Variants in GRM1 observed in about 807,000 individuals in gnomAD.
GRM1 encodes glutamate metabotropic receptor 1, also known as metabotropic glutamate receptor 1.
In GRM1, 33 loss-of-function variants were observed where a neutral mutation model predicts 90.9. The observed-to-expected ratio is 0.36, with a 90% CI of 0.28 to 0.49. The LOEUF is 0.49. Ranked by LOEUF, GRM1 falls within the 20% of genes least tolerant of loss-of-function variation. The probability of loss-of-function intolerance (pLI) is 0.99; values close to 1 mark genes in which losing one functional copy is unlikely to be tolerated. For synonymous variants in GRM1, 700 were observed against 613.2 expected (o/e 1.14, Z -2.09); for missense variants, 1,190 against 1,534.3 (o/e 0.78, Z 3.75).
chr6:146,384,994 T>G (rs1335028136), intron 5 of GRM1, among the ~76,000 whole-genome samples: 1 of 152,022 alleles, frequency 6.6e-6, no homozygotes, highest in Non-Finnish European at 1.5e-5. Flanking sequence ...GAGCAAACTC[T>G]CAGTTACTTG....
intron 2 of GRM1, among the ~76,000 whole-genome samples, chr6:146,165,643 A>T (rs939470374): frequency 2.0e-5 from 3 of 152,174 alleles, no homozygotes; most frequent in Admixed American, 6.6e-5. Flanking sequence ...GACAGGCTAT[A>T]CTTTTCTTAA....
chr6:146,361,213 G>T (rs1775454912), intron 5 of GRM1, among the ~76,000 whole-genome samples: 3 of 152,180 alleles, frequency 2.0e-5, no homozygotes, highest in African/African-American at 7.2e-5. Context: ...CAGTTCTGGA[G>T]CCCAGAGCCT....
chr6:146,086,031 C>T lies in GRM1; in HGVS notation c.700+55814C>T, dbSNP rs193231759. Among the ~76,000 whole-genome samples the T allele has an allele frequency of 2.0e-5, 3 of 151,990 alleles. No individual in the cohort carries two copies. In the East Asian group the frequency reaches 5.8e-4, roughly 29 times the overall value. ...AGTTGTGCCAGCTACAAAGACAATT[C>T]GGGGTATATGAGTGGAATAGAGTGC... is the stretch of plus-strand genomic sequence containing the variant. On this transcript the variant is annotated intron_variant, in intron 1 of 7. Transcript: ENST00000282753.
intron 5 of GRM1, among the ~76,000 whole-genome samples, chr6:146,381,583 T>C (rs565825902): frequency 3.9e-5 from 6 of 152,338 alleles, no homozygotes; most frequent in Non-Finnish European, 2.9e-5. Flanking sequence ...TAAAACCAGA[T>C]ACTGAGTGTT....
At chr6:146,028,607 A>G (rs1790588003), upstream of GRM1, among the ~76,000 whole-genome samples, 1 of 152,120 alleles carries the variant, frequency 6.6e-6, no homozygotes, top group Non-Finnish European at 1.5e-5. Flanking sequence ...TACGGGGGAA[A>G]CATACCAAAC....
rs1224708004 is a variant in GRM1, at chr6:146,165,937, A to G, written c.950+6340A>G. On this transcript the variant is annotated intron_variant, in intron 2 of 7. Transcript: ENST00000282753. ...TATAGTCTCATGTTTCAGATACCGG[A>G]CATCTGAAACGTGAAAGATTCCACT... 2.6e-5 allele frequency among the ~76,000 whole-genome samples: 4 copies of G among 152,046 alleles called. No homozygotes were observed. In the East Asian group the frequency reaches 7.7e-4, roughly 29 times the overall value.
chr6:146,224,091 G>A (rs907640452), intron 2 of GRM1, among the ~76,000 whole-genome samples: 2 of 152,032 alleles, frequency 1.3e-5, no homozygotes, highest in Non-Finnish European at 2.9e-5. Flanking sequence ...CCTAGATGTG[G>A]TGTCATCGGC....
Position 146,134,926 on chromosome 6 carries a change from G to A in GRM1, c.701-24422G>A, listed in dbSNP as rs374559963. Among the ~76,000 whole-genome samples the A allele has an allele frequency of 1.7e-4, 26 of 151,968 alleles. 1 individual carries two copies. The highest frequency in any genetic ancestry group is 3.1e-4 in the Non-Finnish European group (21 of 67,968). On this transcript the variant is annotated intron_variant, in intron 1 of 7. Transcript: ENST00000282753. ...AGTCTGGATGACAGAGCGTGACTCCGTCTCAAAAACAAAACAAAACAAAAC... is the reference window on the plus strand; with the variant it reads ...AGTCTGGATGACAGAGCGTGACTCCATCTCAAAAACAAAACAAAACAAAAC...
chr6:146,117,402 T>C (rs185957012), intron 1 of GRM1, among the ~76,000 whole-genome samples: 5 of 152,126 alleles, frequency 3.3e-5, no homozygotes, highest in African/African-American at 9.6e-5. Context: ...TCTTCATTTC[T>C]TACCTTTCTG....
intron 3 of GRM1, among the ~76,000 whole-genome samples, chr6:146,324,381 C>T (rs1784324006): frequency 6.6e-6 from 1 of 152,098 alleles, no homozygotes; most frequent in African/African-American, 2.4e-5. Context: ...TGGCTTCAGC[C>T]CCCTTTCCAG....
intron 2 of GRM1, among the ~76,000 whole-genome samples, chr6:146,230,027 A>G (rs796542827): frequency 9.8e-5 from 15 of 152,330 alleles, no homozygotes; most frequent in South Asian, 4.1e-4. Context: ...TCTCAGGAGT[A>G]AATAAAAGGA....
intron 1 of GRM1, 49 bp downstream of exon 1, chr6:146,030,266 G>T (rs1158326374): frequency 2.5e-6 from 3 of 1,182,072 alleles, no homozygotes; most frequent in Admixed American, 3.4e-5. Context: ...TCAGGGCAAT[G>T]CATGATGTGC....
chr6:146,309,923 A>G (rs549253943), intron 3 of GRM1, among the ~76,000 whole-genome samples: 134 of 152,340 alleles, frequency 8.8e-4, no homozygotes, highest in African/African-American at 3.0e-3. Flanking sequence ...GTATGAGTTC[A>G]TGGGGTTTAT....
At position 146,210,902 on chromosome 6, in the gene GRM1, C is replaced by T. The variant is rs144287943; in HGVS notation, c.950+51305C>T. 3.0e-3 allele frequency among the ~76,000 whole-genome samples: 459 copies of T among 152,190 alleles called. 4 individuals carry two copies. Among genetic ancestry groups the T allele is most frequent in the African/African-American group, 0.011 (439 of 41,526 alleles). ...GTGTATGCTAAAGAATGGAGATTCA[C>T]AGCAGGAATGGGGAGAGACCTTTAA... On this transcript the variant is annotated intron_variant, in intron 2 of 7. Coordinates refer to ENST00000282753, the MANE Select transcript of GRM1 (RefSeq NM_001278064.2).
chr6:146,149,007 G>T (rs1777217407), intron 1 of GRM1, among the ~76,000 whole-genome samples: 1 of 152,100 alleles, frequency 6.6e-6, no homozygotes, highest in South Asian at 2.1e-4. Flanking sequence ...CAAGAATGAT[G>T]ATCTCCTTTT....
chr6:146,088,852 C>A (rs137940948), intron 1 of GRM1, among the ~76,000 whole-genome samples: 1 of 152,052 alleles, frequency 6.6e-6, no homozygotes, highest in South Asian at 2.1e-4. Flanking sequence ...AAATCAAGTG[C>A]TACATCCCTA....
At chr6:146,277,257 C>G (rs1056090774) in intron 2 of GRM1, among the ~76,000 whole-genome samples, 3 of 152,182 alleles carry the variant, frequency 2.0e-5, no homozygotes, top group Admixed American at 2.0e-4. Context: ...CTGGGTTGCT[C>G]AAACCCTGCA....
chr6:146,110,521 C>A (rs555772686), intron 1 of GRM1, among the ~76,000 whole-genome samples: 1 of 152,096 alleles, frequency 6.6e-6, no homozygotes, highest in Non-Finnish European at 1.5e-5. Context: ...ATCAGCAGCA[C>A]GAAAATGTAC....
intron 5 of GRM1, among the ~76,000 whole-genome samples, chr6:146,359,706 G>A (rs945981017): frequency 6.6e-6 from 1 of 152,102 alleles, no homozygotes; most frequent in African/African-American, 2.4e-5. Flanking sequence ...CCCCAGTTCA[G>A]GGGCAAGGCT....
Sources: allele counts gnomAD v4.1 joint callset (sites outside exome capture counted in the v4.1 genomes callset), GRCh38; gene constraint gnomAD v4.1.1; transcripts MANE v1.5; gene names NCBI Gene and HGNC (gene_info 2026-07-23, HGNC 2026-07-21).